MFSD8: variants seen among roughly 807,000 people sequenced by gnomAD.
The protein encoded by MFSD8 is major facilitator superfamily domain-containing protein 8.
A neutral mutation model predicts 66.4 loss-of-function variants in MFSD8; 55 were observed. The observed-to-expected ratio is 0.83, with a 90% CI of 0.67 to 1.04. MFSD8 has a LOEUF of 1.04. MFSD8 is among the 50% of genes least tolerant of loss of function. MFSD8 has a pLI of 0.00. For missense variants in MFSD8, 550 were observed against 627.6 expected (o/e 0.88, Z 1.32); for synonymous variants, 202 against 212.8 (o/e 0.95, Z 0.44).
chr4:127,947,896 A>ACT (rs1307402739), intron 3 of MFSD8, among the ~76,000 whole-genome samples: 31 of 145,244 alleles, frequency 2.1e-4, no homozygotes, highest in African/African-American at 7.2e-4. Context: ...ACACACACAC[A>ACT]CACTCTCTCT....
At chr4:127,963,619 G>A (rs1246945100) in intron 1 of MFSD8, among the ~76,000 whole-genome samples, 1 of 152,050 alleles carries the variant, frequency 6.6e-6, no homozygotes, top group Admixed American at 6.6e-5. Flanking sequence ...GGAGTTGTTC[G>A]TTCCTCCCCG....
At position 127,948,245 on chromosome 4, in the gene MFSD8, G is replaced by A. The variant is rs116221537; in HGVS notation, c.198+1559C>T. ...AGGTGATGGTCAGGCGGTTGTTAAC[G>A]CTCTCTAAAGTAATTATTGGTCACA... is the stretch of plus-strand genomic sequence containing the variant. On this transcript the variant is annotated intron_variant, in intron 3 of 11. Coordinates refer to ENST00000641686, the MANE Select transcript of MFSD8 (RefSeq NM_001371596.2). Among the ~76,000 whole-genome samples, 874 of 152,164 alleles carry A rather than the reference G, an allele frequency of 5.7e-3. 14 individuals are homozygous for A. Among genetic ancestry groups the A allele is most frequent in the African/African-American group, 0.02 (813 of 41,496 alleles).
intron 3 of MFSD8, among the ~76,000 whole-genome samples, 196 bp downstream of exon 3, chr4:127,949,608 C>T (rs978258517): frequency 6.6e-6 from 1 of 152,158 alleles, no homozygotes; most frequent in African/African-American, 2.4e-5. Flanking sequence ...AGTCTCTTCA[C>T]TACAAAAGTG....
In MFSD8 at chr4:127,920,474, A is replaced by T. The variant is rs900004748; in HGVS notation, c.*156T>A. The T allele has an allele frequency of 5.4e-6, 4 of 735,814 alleles. No individual in the cohort carries two copies. The African/African-American group carries it at 6.9e-5, about 13-fold the overall frequency. 45.6% of individuals were successfully genotyped at this position (735,814 alleles called of 1,614,324 possible). ...TAACCTACTATTCACAATGACATGTAGAATTCTCTCTGTTATTCAACATAT... is the reference window on the plus strand; with the variant it reads ...TAACCTACTATTCACAATGACATGTTGAATTCTCTCTGTTATTCAACATAT... On this transcript the variant is annotated 3_prime_UTR_variant, in exon 12 of 12. Transcript: ENST00000641686.
intron 9 of MFSD8, among the ~76,000 whole-genome samples, chr4:127,923,694 C>CT (rs1736735647): frequency 6.6e-6 from 1 of 151,596 alleles, no homozygotes; most frequent in African/African-American, 2.4e-5. Context: ...ATTCTCCTGC[C>CT]TCAGTCTCCT....
chr4:127,959,409 A>C (rs1423257631), intron 1 of MFSD8, among the ~76,000 whole-genome samples: 1 of 152,152 alleles, frequency 6.6e-6, no homozygotes, highest in Non-Finnish European at 1.5e-5. Context: ...TTGTTTTTTT[A>C]AAGAATATAA....
chr4:127,949,036 G>T (rs1008074655), intron 3 of MFSD8, among the ~76,000 whole-genome samples: 1 of 152,306 alleles, frequency 6.6e-6, no homozygotes, highest in East Asian at 1.9e-4. Flanking sequence ...CTAAAATAAG[G>T]ACTGAAAAGT....
intron 9 of MFSD8, among the ~76,000 whole-genome samples, chr4:127,928,634 C>T (rs1737608544): frequency 6.6e-6 from 1 of 152,174 alleles, no homozygotes; most frequent in Non-Finnish European, 1.5e-5. Context: ...CCCTTGTATA[C>T]TGTTGGTGGG....
rs968582711 is a variant in MFSD8 at position 127,918,322 on chromosome 4, G to A, written c.*2308C>T. The A allele has an allele frequency of 1.3e-5, 2 of 151,622 alleles. No homozygotes were observed. The highest frequency in any genetic ancestry group is 2.4e-5 in the African/African-American group (1 of 41,240). The allele number at this position is 151,622 out of a possible 1,614,324, so 9.4% of individuals were successfully genotyped here. On this transcript the variant is annotated 3_prime_UTR_variant, in exon 12 of 12. Transcript: ENST00000641686. ...TCCCAATCCCATGTTACTTCCTTTC[G>A]CCTTCTTTTGTGCCAAGATGAGCAA...
At chr4:127,942,878 T>C (rs1740430407) in intron 4 of MFSD8, among the ~76,000 whole-genome samples, 1 of 152,130 alleles carries the variant, frequency 6.6e-6, no homozygotes, top group African/African-American at 2.4e-5. Flanking sequence ...AGAGACTCTG[T>C]TAGGGGGCAT....
chr4:127,955,698 T>C (rs992366604), intron 2 of MFSD8, among the ~76,000 whole-genome samples: 7 of 152,138 alleles, frequency 4.6e-5, no homozygotes, highest in Non-Finnish European at 7.4e-5. Context: ...TCTGCCTGAA[T>C]GCAGAGAATA....
rs139409959 is a variant in MFSD8 at position 127,965,120 on chromosome 4, C to G, written c.14G>C (p.Arg5Pro). The G allele has an allele frequency of 3.1e-6, 5 of 1,613,846 alleles. No homozygotes were observed. The African/African-American group carries it at 5.3e-5, about 17-fold the overall frequency. Reference sequence around the variant, plus strand: ...GAGCGGCTCCTGTTCACTTTCGTTCCGCAGGCCGGCCATAGTTACACTCCC... The same window carrying G: ...GAGCGGCTCCTGTTCACTTTCGTTCGGCAGGCCGGCCATAGTTACACTCCC... Reference protein sequence around the residue: MAGLRNESEQEPLLG... With the variant: MAGLPNESEQEPLLG... The change falls in exon 1 of 12, where the codon CGG (arginine) becomes CCG (proline). Residue 5 changes from arginine to proline, a missense_variant. By Grantham distance (103) the Arg-to-Pro change is moderately radical. Coordinates refer to ENST00000641686, the MANE Select transcript of MFSD8 (RefSeq NM_001371596.2).
At chr4:127,934,950 T>TG (rs545467556) in intron 7 of MFSD8, among the ~76,000 whole-genome samples, 259 of 28,474 alleles carry the variant, frequency 9.1e-3, no homozygotes, top group Admixed American at 0.025. Context: ...AGTGGGTGGG[T>TG]GGGGGGGCTT....
At chr4:127,922,856 AT>A (rs1317203065) in intron 9 of MFSD8, among the ~76,000 whole-genome samples, 1 of 152,206 alleles carries the variant, frequency 6.6e-6, no homozygotes, top group Non-Finnish European at 1.5e-5. Flanking sequence ...AAATACCAGA[AT>A]TTTGTAATGA....
intron 8 of MFSD8, among the ~76,000 whole-genome samples, chr4:127,931,205 A>G (rs1235535860): frequency 6.6e-6 from 1 of 152,208 alleles, no homozygotes; most frequent in East Asian, 1.9e-4. Flanking sequence ...ATATTAAGTT[A>G]TCAGAATATA....
chr4:127,932,968 G>T lies in MFSD8; in HGVS notation c.863+17C>A. The T allele has an allele frequency of 6.4e-7, 1 of 1,564,970 alleles. No individual in the cohort carries two copies. The highest frequency in any genetic ancestry group is 8.8e-7 in the Non-Finnish European group (1 of 1,135,804). On this transcript the variant is annotated intron_variant, in intron 8 of 11. Transcript: ENST00000641686. ...TAAAACATAATCTGATTCAGATGAA[G>T]ATGGAATAAAACTTACGTTTCAAAA...
chr4:127,957,544 T>C lies in MFSD8; in HGVS notation c.111A>G (p.Arg37=), dbSNP rs990159324. The C allele has an allele frequency of 1.9e-6, 3 of 1,611,932 alleles. No homozygotes were observed. The African/African-American group carries it at 4.0e-5, about 22-fold the overall frequency. The stretch of plus-strand genomic sequence containing the variant: ...TAGTAAGATATAAAATCCTAATAGA[T>C]CTCCATCGGCTCTTATAATGCTCTT... ...ETEEHYKSRW[R]SIRILYLTMF... Residue 37 remains arginine, a synonymous_variant, in exon 2 of 12, where the codon AGA becomes AGG. Transcript: ENST00000641686.
In MFSD8 at chr4:127,957,594, T is replaced by C. The variant is rs757857101; in HGVS notation, c.63-2A>G. The C allele has an allele frequency of 6.2e-7, 1 of 1,601,242 alleles. No individual in the cohort carries two copies. ...TCAGTCTCTAAAATGTCCCATTCTCTAGGTGTAAAGAAGAAAAAAGTAGTA... is the reference window on the plus strand; with the variant it reads ...TCAGTCTCTAAAATGTCCCATTCTCCAGGTGTAAAGAAGAAAAAAGTAGTA... On this transcript the variant is annotated splice_acceptor_variant, in intron 1 of 11. Coordinates refer to ENST00000641686, the MANE Select transcript of MFSD8 (RefSeq NM_001371596.2). LOFTEE classifies it high-confidence loss of function.
chr4:127,939,860 T>TG lies in MFSD8; in HGVS notation c.690dup (p.Ile231HisfsTer9), dbSNP rs2148907184. On this transcript the variant is annotated frameshift_variant, in exon 6 of 12. Transcript: ENST00000641686. LOFTEE classifies it high-confidence loss of function. ...TCATTTCTATCTAATTACCTTAGTA[T>TG]GGCAAGGATCAGAATAATATTTAAA... 6.2e-7 allele frequency: 1 copy of TG among 1,612,264 alleles called. No homozygotes were observed. The highest frequency in any genetic ancestry group is 8.5e-7 in the Non-Finnish European group (1 of 1,179,030).
Sources: gnomAD v4.1 joint callset for allele counts (sites outside exome capture counted in the v4.1 genomes callset) on GRCh38, gnomAD v4.1.1 for gene constraint, MANE v1.5 for transcripts, NCBI Gene and HGNC (gene_info 2026-07-23, HGNC 2026-07-21) for gene names.